UBE2D2: variants seen among roughly 807,000 people sequenced by gnomAD.
UBE2D2 encodes ubiquitin-conjugating enzyme E2 D2.
In UBE2D2, 2 loss-of-function variants were observed where a neutral mutation model predicts 24.2. The observed-to-expected ratio is 0.08, with a 90% confidence interval of 0.03 to 0.26. The LOEUF (loss-of-function observed/expected upper bound fraction) is 0.26, where lower values mean the gene tolerates loss of function less well. Among genes scored for constraint, UBE2D2 ranks in the 10% least tolerant of loss-of-function variants. The pLI is 1.00. For missense variants in UBE2D2, 44 were observed against 177.6 expected (o/e 0.25, Z 4.28); for synonymous variants, 58 against 56.5 (o/e 1.03, Z -0.12).
intron 1 of UBE2D2, among the ~76,000 whole-genome samples, chr5:139,542,025 A>G (rs1346213289): frequency 6.6e-6 from 1 of 152,056 alleles, no homozygotes; most frequent in East Asian, 1.9e-4. Context: ...CATCTCTACT[A>G]AGTATACAAA....
chr5:139,548,038 C>T (rs1052155538), intron 1 of UBE2D2, among the ~76,000 whole-genome samples: 1 of 151,426 alleles, frequency 6.6e-6, no homozygotes, highest in Non-Finnish European at 1.5e-5. Flanking sequence ...GTGGCTCACG[C>T]CTGTAATCCT....
chr5:139,607,798 A>G (rs1699468504), intron 2 of UBE2D2, among the ~76,000 whole-genome samples: 1 of 152,028 alleles, frequency 6.6e-6, no homozygotes. Flanking sequence ...CTTGAGGCCA[A>G]GAGTTTGAGA....
chr5:139,582,588 C>G (rs993235077), intron 1 of UBE2D2, among the ~76,000 whole-genome samples: 1 of 151,930 alleles, frequency 6.6e-6, no homozygotes, highest in East Asian at 1.9e-4. Flanking sequence ...CACATGCGAC[C>G]AGGTGTGGAA....
intron 1 of UBE2D2, among the ~76,000 whole-genome samples, chr5:139,584,414 A>G (rs999300162): frequency 2.0e-5 from 3 of 151,452 alleles, no homozygotes; most frequent in Non-Finnish European, 4.4e-5. Flanking sequence ...TAGCATGACT[A>G]TATTCTCTTC....
In UBE2D2 at chr5:139,614,782, AT is replaced by A; in HGVS notation, c.198+10del. The A allele has an allele frequency of 6.2e-6, 10 of 1,613,614 alleles. No homozygotes were observed. The highest frequency in any genetic ancestry group is 8.5e-6 in the Non-Finnish European group (10 of 1,179,660). ...CCCTTCAAACCACCTAAGGTAATTAATTGGAATGTGGCAGTTTTTAATGTAC... is the reference window on the plus strand; with the variant it reads ...CCCTTCAAACCACCTAAGGTAATTAATGGAATGTGGCAGTTTTTAATGTAC... On this transcript the variant is annotated intron_variant, in intron 4 of 6. Coordinates refer to ENST00000398733, the MANE Select transcript of UBE2D2 (RefSeq NM_003339.3).
chr5:139,599,291 A>T (rs1754021967), intron 1 of UBE2D2, among the ~76,000 whole-genome samples: 1 of 151,990 alleles, frequency 6.6e-6, no homozygotes, highest in Non-Finnish European at 1.5e-5. Flanking sequence ...GTGGACTTCC[A>T]CTGAAAGCAT....
At chr5:139,543,297 G>T (rs116397896) in intron 1 of UBE2D2, among the ~76,000 whole-genome samples, 216 of 152,328 alleles carry the variant, frequency 1.4e-3, no homozygotes, top group African/African-American at 5.1e-3. Flanking sequence ...AACTAATGGA[G>T]AACATATACC....
At chr5:139,598,183 A>G (rs1753997364) in intron 1 of UBE2D2, among the ~76,000 whole-genome samples, 1 of 152,190 alleles carries the variant, frequency 6.6e-6, no homozygotes. Flanking sequence ...GGCATGAGTC[A>G]CTGTGCCTGG....
chr5:139,574,852 G>C (rs1753434374), intron 1 of UBE2D2, among the ~76,000 whole-genome samples: 1 of 151,894 alleles, frequency 6.6e-6, no homozygotes, highest in South Asian at 2.1e-4. Flanking sequence ...AATGGGAATT[G>C]TACCCTGCAA....
intron 2 of UBE2D2, among the ~76,000 whole-genome samples, chr5:139,609,763 C>G (rs1379477775): frequency 1.4e-5 from 2 of 144,478 alleles, no homozygotes; most frequent in Middle Eastern, 3.6e-3. Context: ...TTCTTTCTTT[C>G]TTTTTTTGTT....
At chr5:139,604,183 C>T (rs1043579527) in intron 2 of UBE2D2, among the ~76,000 whole-genome samples, 2 of 151,046 alleles carry the variant, frequency 1.3e-5, no homozygotes, top group Non-Finnish European at 2.9e-5. Context: ...TTTTGTCACC[C>T]AGGCTGGAGT....
chr5:139,622,493 T>C (rs1213317502), intron 5 of UBE2D2, among the ~76,000 whole-genome samples: 2 of 150,276 alleles, frequency 1.3e-5, no homozygotes, highest in Non-Finnish European at 3.0e-5. Context: ...TCCACCCCCC[T>C]CCGCCTCCCA....
chr5:139,540,688 A>G (rs1240937002), intron 1 of UBE2D2, among the ~76,000 whole-genome samples: 1 of 152,150 alleles, frequency 6.6e-6, no homozygotes, highest in Non-Finnish European at 1.5e-5. Context: ...TGTGTATACA[A>G]TATTTACATT....
intron 6 of UBE2D2, 101 bp from the exon 7 acceptor site, chr5:139,626,655 A>C: frequency 1.0e-6 from 1 of 961,834 alleles, no homozygotes; most frequent in Non-Finnish European, 1.7e-6. Context: ...TGAATGTCCT[A>C]TAAGCTACTC....
intron 2 of UBE2D2, among the ~76,000 whole-genome samples, chr5:139,610,014 A>G (rs1313649569): frequency 1.3e-5 from 2 of 151,282 alleles, no homozygotes; most frequent in Non-Finnish European, 2.9e-5. Flanking sequence ...CTCATGATTC[A>G]TCTGCCTCAG....
At chr5:139,527,401 C>T (rs1164510497) in intron 1 of UBE2D2, among the ~76,000 whole-genome samples, 1 of 152,146 alleles carries the variant, frequency 6.6e-6, no homozygotes, top group Non-Finnish European at 1.5e-5. Context: ...TTAATTTAGA[C>T]TGAACAAGGT....
At chr5:139,609,897 G>T (rs1431793010) in intron 2 of UBE2D2, among the ~76,000 whole-genome samples, 3 of 150,888 alleles carry the variant, frequency 2.0e-5, no homozygotes, top group Non-Finnish European at 4.4e-5. Context: ...TCAGCCTCCC[G>T]AGTAGCTGGG....
At chr5:139,552,223 C>T (rs1034666068) in intron 1 of UBE2D2, among the ~76,000 whole-genome samples, 4 of 147,300 alleles carry the variant, frequency 2.7e-5, no homozygotes, top group African/African-American at 7.6e-5. Flanking sequence ...AGTATAGTGG[C>T]GTTATCTGGG....
At chr5:139,542,806 T>C (rs1752776524) in intron 1 of UBE2D2, among the ~76,000 whole-genome samples, 1 of 152,206 alleles carries the variant, frequency 6.6e-6, no homozygotes, top group Admixed American at 6.5e-5. Context: ...TGCTACAACA[T>C]AGATGAACCT....
Sources: gnomAD v4.1 joint callset for allele counts (sites outside exome capture counted in the v4.1 genomes callset) on GRCh38, gnomAD v4.1.1 for gene constraint, MANE v1.5 for transcripts, NCBI Gene and HGNC (gene_info 2026-07-23, HGNC 2026-07-21) for gene names.